UGT1A8: variants seen among roughly 807,000 people sequenced by gnomAD.
UGT1A8 encodes UDP-glucuronosyltransferase 1A8.
Under a neutral mutation model 45.3 loss-of-function variants are expected in UGT1A8, and 39 were observed. The observed-to-expected ratio is 0.86, with a 90% CI of 0.67 to 1.12. UGT1A8 has a LOEUF of 1.12. Ranked by LOEUF, UGT1A8 falls within the 50% of genes most tolerant of loss-of-function variation. The pLI is 0.00. For missense variants in UGT1A8, 719 were observed against 664.9 expected, an observed-to-expected ratio of 1.08 and a Z score of -0.90; for synonymous variants, 275 against 249.2, an observed-to-expected ratio of 1.10 and a Z score of -0.97.
chr2:233,768,054 A>G (rs1384127703), intron 3 of UGT1A8, 118 bp downstream of exon 3: 4 of 1,603,256 alleles, frequency 2.5e-6, no homozygotes, highest in East Asian at 4.5e-5. Context: ...CATATCCTAC[A>G]TTGCTTTTTA....
At chr2:233,689,904 G>A in intron 1 of UGT1A8, 2 of 456,704 alleles carry the variant, frequency 4.4e-6, no homozygotes, top group Non-Finnish European at 8.8e-6. Flanking sequence ...CTCAGGGCCA[G>A]GTAGGTGCCT....
chr2:233,745,309 A>G (rs1470353088), intron 1 of UGT1A8, among the ~76,000 whole-genome samples: 1 of 151,872 alleles, frequency 6.6e-6, no homozygotes, highest in African/African-American at 2.4e-5. Context: ...TGCAGTGATT[A>G]TTTCCACTAG....
At chr2:233,626,541 T>G (rs1334202442) in intron 1 of UGT1A8, among the ~76,000 whole-genome samples, 3 of 152,084 alleles carry the variant, frequency 2.0e-5, no homozygotes, top group Non-Finnish European at 2.9e-5. Flanking sequence ...GTGAAGTCAT[T>G]CGCAACATCT....
chr2:233,677,166 C>T (rs1482849001), intron 1 of UGT1A8, among the ~76,000 whole-genome samples: 1 of 152,042 alleles, frequency 6.6e-6, no homozygotes, highest in African/African-American at 2.4e-5. Context: ...TTGAGTTTTC[C>T]AATTCATTAA....
At chr2:233,629,127 T>A (rs1430880167) in intron 1 of UGT1A8, among the ~76,000 whole-genome samples, 1 of 152,032 alleles carries the variant, frequency 6.6e-6, no homozygotes, top group Non-Finnish European at 1.5e-5. Context: ...CATTCCCCCC[T>A]CCTCTCAGCC....
rs1466674217 is a variant in UGT1A8, at chr2:233,693,368, T to C, written c.856-73666T>C. The C allele has an allele frequency of 3.7e-6, 6 of 1,614,104 alleles. No homozygotes were observed. In the African/African-American group the frequency reaches 8.0e-5, roughly 22 times the overall value. On this transcript the variant is annotated intron_variant, in intron 1 of 4. Transcript: ENST00000373450. ...GAATAACATGATTGTTATTGGCCTG[T>C]ACTTCATCAACTGCCAGAGCCTCCT...
At chr2:233,754,746 A>G (rs1695573516) in intron 1 of UGT1A8, 1 of 757,186 alleles carries the variant, frequency 1.3e-6, no homozygotes, top group Non-Finnish European at 2.0e-6. Flanking sequence ...GGACATGCAG[A>G]AGGAAGAAAG....
At chr2:233,767,258 C>A in intron 2 of UGT1A8, 93 bp downstream of exon 2, 1 of 1,592,782 alleles carries the variant, frequency 6.3e-7, no homozygotes, top group Non-Finnish European at 8.5e-7. Flanking sequence ...TTAATTGGAA[C>A]CTTAGATTTG....
intron 1 of UGT1A8, among the ~76,000 whole-genome samples, chr2:233,650,393 G>A (rs746789376): frequency 3.9e-5 from 6 of 152,230 alleles, no homozygotes; most frequent in Non-Finnish European, 7.3e-5. Context: ...ATTTTTGTCA[G>A]AATTGTGTAA....
intron 1 of UGT1A8, among the ~76,000 whole-genome samples, chr2:233,661,166 C>CT (rs35723461): frequency 0.29 from 43,323 of 150,954 alleles, 6,563 homozygotes; most frequent in East Asian, 0.52. Context: ...TAGTTTCAGA[C>CT]TTTTTTTTTC....
rs538474452 is a variant in UGT1A8, at chr2:233,688,348, T to C, written c.855+69786T>C. 2.6e-5 allele frequency among the ~76,000 whole-genome samples: 4 copies of C among 152,352 alleles called. No homozygotes were observed. In the South Asian group the frequency reaches 8.3e-4, roughly 32 times the overall value. ...TTGGGTTGTTTCCCATTTTCAGCCA[T>C]GAAAAATAATGTTGTTGTGAACATT... On this transcript the variant is annotated intron_variant, in intron 1 of 4. Coordinates refer to ENST00000373450, the MANE Select transcript of UGT1A8 (RefSeq NM_019076.5).
chr2:233,629,804 T>C (rs1040805703), intron 1 of UGT1A8, among the ~76,000 whole-genome samples: 4 of 152,174 alleles, frequency 2.6e-5, no homozygotes, highest in African/African-American at 9.6e-5. Context: ...ATTTAAAAGA[T>C]ACAGGTTACT....
At chr2:233,671,888 A>G in intron 1 of UGT1A8, 1 of 1,562,244 alleles carries the variant, frequency 6.4e-7, no homozygotes, top group South Asian at 1.2e-5. Flanking sequence ...CTACTGTATC[A>G]TAGGAGCTTA....
At chr2:233,619,270 A>C (rs547275585) in intron 1 of UGT1A8, among the ~76,000 whole-genome samples, 2 of 152,254 alleles carry the variant, frequency 1.3e-5, no homozygotes, top group South Asian at 4.1e-4. Flanking sequence ...GACAGATTTG[A>C]CAAGTTCTTT....
In UGT1A8 at chr2:233,635,996, A is replaced by G. The variant is rs553811392; in HGVS notation, c.855+17434A>G. ...TTGGATATGGAAGAAGACAACCAGCAATGATTATGCATTGCAGAGATGCAG... is the reference window on the plus strand; with the variant it reads ...TTGGATATGGAAGAAGACAACCAGCGATGATTATGCATTGCAGAGATGCAG... On this transcript the variant is annotated intron_variant, in intron 1 of 4. Transcript: ENST00000373450. Among the ~76,000 whole-genome samples, 18 of 151,052 alleles carry G rather than the reference A, an allele frequency of 1.2e-4. 1 individual carries two copies. The South Asian group carries it at 3.6e-3, about 30-fold the overall frequency.
chr2:233,693,457 A>G, intron 1 of UGT1A8: 1 of 1,614,086 alleles, frequency 6.2e-7, no homozygotes, highest in African/African-American at 1.3e-5. Context: ...TCACAGACCC[A>G]GCCTTACCCT....
intron 1 of UGT1A8, among the ~76,000 whole-genome samples, chr2:233,669,145 C>T (rs1056326125): frequency 3.9e-5 from 6 of 152,170 alleles, no homozygotes; most frequent in Non-Finnish European, 5.9e-5. Flanking sequence ...AACTTGGTTG[C>T]TCATACTTCT....
At chr2:233,762,715 C>T (rs1406790908) in intron 1 of UGT1A8, among the ~76,000 whole-genome samples, 19 of 149,510 alleles carry the variant, frequency 1.3e-4, no homozygotes, top group Middle Eastern at 3.4e-3. Flanking sequence ...GTATTTTACA[C>T]GGTTTTTTTT....
intron 1 of UGT1A8, among the ~76,000 whole-genome samples, chr2:233,740,381 G>T (rs771907288): frequency 6.6e-6 from 1 of 151,918 alleles, no homozygotes; most frequent in Non-Finnish European, 1.5e-5. Flanking sequence ...GTAAGTTGTT[G>T]TGTGAATTAT....
Sources: allele counts gnomAD v4.1 joint callset (sites outside exome capture counted in the v4.1 genomes callset), GRCh38; gene constraint gnomAD v4.1.1; transcripts MANE v1.5; gene names NCBI Gene and HGNC (gene_info 2026-07-23, HGNC 2026-07-21).